The following MOB3A variants were observed in gnomAD, a reference collection of about 807,000 sequenced individuals.
The protein encoded by MOB3A is MOB LAK.
A neutral mutation model predicts 17.8 loss-of-function variants in MOB3A; 17 were observed. The observed-to-expected ratio is 0.95, with a 90% CI of 0.65 to 1.43. The LOEUF is 1.43. MOB3A is among the 40% of genes most tolerant of loss of function. The probability of loss-of-function intolerance (pLI) is 0.00; values close to 1 mark genes in which losing one functional copy is unlikely to be tolerated. For synonymous variants in MOB3A, 124 were observed against 133.2 expected, an observed-to-expected ratio of 0.93 and a Z score of 0.48; for missense variants, 333 against 310.8, an observed-to-expected ratio of 1.07 and a Z score of -0.54.
At chr19:2,085,997 C>T (rs1056127851) in intron 1 of MOB3A, among the ~76,000 whole-genome samples, 27 of 150,392 alleles carry the variant, frequency 1.8e-4, no homozygotes, top group South Asian at 6.3e-4. Context: ...GGCAGCATCC[C>T]GGAGCCACCT....
At chr19:2,074,719 AT>A (rs887172854) in intron 4 of MOB3A, among the ~76,000 whole-genome samples, 43 of 146,684 alleles carry the variant, frequency 2.9e-4, no homozygotes, top group Admixed American at 3.4e-4. Context: ...TGCCTGGCTA[AT>A]TTTTTTTTTT....
At chr19:2,091,030 C>T (rs946356860) in intron 1 of MOB3A, among the ~76,000 whole-genome samples, 8 of 152,172 alleles carry the variant, frequency 5.3e-5, no homozygotes, top group Admixed American at 1.3e-4. Flanking sequence ...GCATTAAAGC[C>T]AGAAGACCTA....
chr19:2,073,841 G>A (rs1407308766), intron 4 of MOB3A, among the ~76,000 whole-genome samples: 1 of 152,144 alleles, frequency 6.6e-6, no homozygotes, highest in East Asian at 1.9e-4. Context: ...GACCAGCCTG[G>A]ATAACACGGT....
chr19:2,086,646 G>T (rs1346086152), intron 1 of MOB3A, among the ~76,000 whole-genome samples: 1 of 151,804 alleles, frequency 6.6e-6, no homozygotes, highest in African/African-American at 2.4e-5. Flanking sequence ...GCGTGAGCCA[G>T]CATGCCTGGC....
At chr19:2,076,123 CAAAAAAA>C (rs771808104) in intron 4 of MOB3A, among the ~76,000 whole-genome samples, 2 of 34,382 alleles carry the variant, frequency 5.8e-5, no homozygotes, top group African/African-American at 2.9e-4. Flanking sequence ...ACTCCATCTC[CAAAAAAA>C]AAAAAAAAAA....
chr19:2,078,203 C>T lies in MOB3A; in HGVS notation c.358G>A (p.Asp120Asn). 1 of 1,611,114 alleles carries T rather than the reference C, an allele frequency of 6.2e-7. No homozygotes were observed. Among genetic ancestry groups the T allele is most frequent in the Non-Finnish European group, 8.5e-7 (1 of 1,177,702 alleles). Reference protein sequence around the residue: ...PTALSAPRYMDLLMDWIEAQI... With the variant: ...PTALSAPRYMNLLMDWIEAQI... Reference sequence around the variant, plus strand: ...GCCTCGATCCAGTCCATCAGCAGGTCCATGTACCTGGGCGCGGAGAGTGCC... The same window carrying T: ...GCCTCGATCCAGTCCATCAGCAGGTTCATGTACCTGGGCGCGGAGAGTGCC... Residue 120 changes from aspartate (D) to asparagine (N), a missense_variant, in exon 3 of 5, where the codon GAC becomes AAC. Coordinates refer to ENST00000357066, the MANE Select transcript of MOB3A (RefSeq NM_130807.3).
At chr19:2,092,501 G>C in intron 1 of MOB3A, among the ~76,000 whole-genome samples, 1 of 152,120 alleles carries the variant, frequency 6.6e-6, no homozygotes, top group East Asian at 1.9e-4. Flanking sequence ...AGGGGGTGAG[G>C]CGCGGTGGCT....
rs2017633673 is a variant in MOB3A, at chr19:2,093,282, T to C, written c.-274+2944A>G. ...AAGTGATTCTCCTGCCTCAGCCTCCTGAGTAGCTGGGACTACAGGCACGCG... is the reference window on the plus strand; with the variant it reads ...AAGTGATTCTCCTGCCTCAGCCTCCCGAGTAGCTGGGACTACAGGCACGCG... On this transcript the variant is annotated intron_variant, in intron 1 of 4. Transcript: ENST00000357066. This position sits in a 1 kb window ranked among gnomAD's most constrained non-coding sequence, Gnocchi z 4.6. Among the ~76,000 whole-genome samples, 1 of 151,936 alleles carries C rather than the reference T, an allele frequency of 6.6e-6. No homozygotes were observed. Among genetic ancestry groups the C allele is most frequent in the Non-Finnish European group, 1.5e-5 (1 of 67,972 alleles).
rs748389066 is a variant in MOB3A, at chr19:2,078,552, G to A, written c.9C>T (p.Asn3=). The A allele has an allele frequency of 6.1e-5, 96 of 1,570,330 alleles. No individual in the cohort carries two copies. The highest frequency in any genetic ancestry group is 2.3e-5 in the Non-Finnish European group (27 of 1,154,060). The change falls in exon 3 of 5, where the codon AAC becomes AAT. Residue 3 remains asparagine, a synonymous_variant. Coordinates refer to ENST00000357066, the MANE Select transcript of MOB3A (RefSeq NM_130807.3). ...TGTTGAAGACTTGCTTCAGGAAGGGGTTGGACATCTTGGTGACGCCTGCTC... is the reference window on the plus strand; with the variant it reads ...TGTTGAAGACTTGCTTCAGGAAGGGATTGGACATCTTGGTGACGCCTGCTC... The part of the protein sequence containing the change: MS[N]PFLKQVFNKD...
chr19:2,087,560 T>G (rs1438075853), intron 1 of MOB3A, among the ~76,000 whole-genome samples: 1 of 151,966 alleles, frequency 6.6e-6, no homozygotes, highest in Non-Finnish European at 1.5e-5. Context: ...GAGGCTGAGG[T>G]GGGAGGATTG....
At chr19:2,087,822 C>A (rs1448487087) in intron 1 of MOB3A, among the ~76,000 whole-genome samples, 2 of 152,232 alleles carry the variant, frequency 1.3e-5, no homozygotes, top group Non-Finnish European at 2.9e-5. Context: ...ACCATCCCAA[C>A]CCAGGGCCAC....
At chr19:2,094,747 G>A (rs1651034038) in intron 1 of MOB3A, among the ~76,000 whole-genome samples, 1 of 152,272 alleles carries the variant, frequency 6.6e-6, no homozygotes, top group Non-Finnish European at 1.5e-5. Flanking sequence ...GCACAGATGG[G>A]ATGTGAAACA....
Position 2,093,054 on chromosome 19 carries a change from T to C in MOB3A, c.-274+3172A>G, listed in dbSNP as rs72983416. On this transcript the variant is annotated intron_variant, in intron 1 of 4. Transcript: ENST00000357066. The surrounding 1 kb of genome is among the most constrained non-coding windows in gnomAD (Gnocchi z 4.6). ...CAGAGCTCATCGGCTGGGGAAGGTC[T>C]AAAACTCCCCACCTTAAAACCCCAA... Among the ~76,000 whole-genome samples, 3,395 of 152,190 alleles carry C rather than the reference T, an allele frequency of 0.022. 51 individuals are homozygous for C. Among genetic ancestry groups the C allele is most frequent in the Non-Finnish European group, 0.033 (2,266 of 68,002 alleles).
At chr19:2,081,869 G>A (rs2017494475) in intron 2 of MOB3A, among the ~76,000 whole-genome samples, 1 of 152,214 alleles carries the variant, frequency 6.6e-6, no homozygotes, top group Non-Finnish European at 1.5e-5. Context: ...GGGTGAGAGA[G>A]CAAGACTCTG....
rs1052866635 is a variant in MOB3A, at chr19:2,073,169, G to A, written c.*226C>T. On this transcript the variant is annotated 3_prime_UTR_variant, in exon 5 of 5. Coordinates refer to ENST00000357066, the MANE Select transcript of MOB3A (RefSeq NM_130807.3). The stretch of plus-strand genomic sequence containing the variant: ...GTTGCTAGTAACACATAGAATTACA[G>A]AGTTCACGTTTTAGTCCCAGACGGG... The A allele has an allele frequency of 3.3e-6, 2 of 614,586 alleles. No homozygotes were observed. The highest frequency in any genetic ancestry group is 2.9e-6 in the Non-Finnish European group (1 of 344,564). 38.1% of individuals were successfully genotyped at this position (614,586 alleles called of 1,614,324 possible).
chr19:2,090,277 T>C (rs1363988058), intron 1 of MOB3A: 1 of 152,288 alleles, frequency 6.6e-6, no homozygotes, highest in East Asian at 1.9e-4. Flanking sequence ...TGTCTGTGCT[T>C]GGAGTGGCTC....
At chr19:2,077,767 A>G (rs1354642655) in intron 3 of MOB3A, among the ~76,000 whole-genome samples, 1 of 151,686 alleles carries the variant, frequency 6.6e-6, no homozygotes, top group Non-Finnish European at 1.5e-5. Context: ...CCAACTTAGG[A>G]GAATACTCAG....
intron 1 of MOB3A, among the ~76,000 whole-genome samples, chr19:2,091,461 G>A (rs143455408): frequency 0.071 from 10,851 of 151,964 alleles, 397 homozygotes; most frequent in East Asian, 0.078. Context: ...TCGGCTCACT[G>A]CAAGCTCTGC....
intron 2 of MOB3A, among the ~76,000 whole-genome samples, chr19:2,079,851 G>A (rs115611452): frequency 0.011 from 1,732 of 152,334 alleles, 28 homozygotes; most frequent in African/African-American, 0.04. Context: ...TATAAATGAG[G>A]AAGCCTCCAG....
Sources: allele counts gnomAD v4.1 joint callset (sites outside exome capture counted in the v4.1 genomes callset), GRCh38; gene constraint gnomAD v4.1.1; non-coding constraint Gnocchi (gnomAD v3.1); transcripts MANE v1.5; gene names NCBI Gene and HGNC (gene_info 2026-07-23, HGNC 2026-07-21).